The following TTC23 variants were observed in gnomAD, a reference collection of about 807,000 sequenced individuals.
TTC23 encodes the protein tetratricopeptide repeat domain 23.
A neutral mutation model predicts 55.1 loss-of-function variants in TTC23; 58 were observed. The ratio of observed to expected loss-of-function variants is 1.05; its 90% CI spans 0.85 to 1.31. TTC23 has a LOEUF of 1.31. Among genes scored for constraint, TTC23 ranks in the 50% most tolerant of loss-of-function variants. The pLI, the probability that TTC23 is intolerant of heterozygous loss-of-function variation, is 0.00. For missense variants in TTC23, 516 were observed against 534.4 expected, an observed-to-expected ratio of 0.97 and a Z score of 0.34; for synonymous variants, 203 against 199.9, an observed-to-expected ratio of 1.02 and a Z score of -0.13.
chr15:99,205,287 T>C (rs974617625), intron 8 of TTC23, among the ~76,000 whole-genome samples: 4 of 152,146 alleles, frequency 2.6e-5, no homozygotes, highest in Admixed American at 6.5e-5. Flanking sequence ...TTTGGGACTT[T>C]CGTGGTTCCA....
intron 9 of TTC23, among the ~76,000 whole-genome samples, chr15:99,193,580 T>A (rs1334606250): frequency 6.6e-6 from 1 of 152,224 alleles, no homozygotes; most frequent in Non-Finnish European, 1.5e-5. Context: ...CAATTAAACC[T>A]CTTTCTTTTG....
chr15:99,171,654 C>T (rs1424235627), intron 10 of TTC23, among the ~76,000 whole-genome samples: 1 of 150,978 alleles, frequency 6.6e-6, no homozygotes, highest in Non-Finnish European at 1.5e-5. Context: ...CCTCTGCCTC[C>T]AGGGTTCAAG....
intron 12 of TTC23, among the ~76,000 whole-genome samples, chr15:99,146,806 C>T (rs1049423922): frequency 6.6e-6 from 1 of 152,232 alleles, no homozygotes; most frequent in Non-Finnish European, 1.5e-5. Flanking sequence ...GCGGGCCCAA[C>T]CTCAGGAGGG....
intron 12 of TTC23, among the ~76,000 whole-genome samples, chr15:99,150,684 G>A (rs1279451365): frequency 6.6e-6 from 1 of 152,214 alleles, no homozygotes; most frequent in Non-Finnish European, 1.5e-5. Flanking sequence ...ATCATCAAAT[G>A]GGTTGCAAAT....
At chr15:99,229,048 A>T in intron 4 of TTC23, among the ~76,000 whole-genome samples, 2 of 152,020 alleles carry the variant, frequency 1.3e-5, no homozygotes, top group African/African-American at 4.8e-5. Flanking sequence ...GTCCAGTAGA[A>T]ATTAGCCTAG....
intron 9 of TTC23, among the ~76,000 whole-genome samples, chr15:99,187,462 A>ACAAAAAG (rs2074798251): frequency 7.5e-6 from 1 of 132,546 alleles, no homozygotes; most frequent in Non-Finnish European, 1.6e-5. Flanking sequence ...CAAAAAAAAA[A>ACAAAAAG]AAAAAACAAA....
chr15:99,216,537 T>C (rs972821914), intron 8 of TTC23, among the ~76,000 whole-genome samples: 2 of 151,990 alleles, frequency 1.3e-5, no homozygotes, highest in Non-Finnish European at 2.9e-5. Flanking sequence ...ATAGGAAAGG[T>C]ACAGGAAACT....
intron 12 of TTC23, among the ~76,000 whole-genome samples, chr15:99,141,846 A>G (rs2068263725): frequency 6.6e-6 from 1 of 152,234 alleles, no homozygotes; most frequent in Admixed American, 6.5e-5. Context: ...ATAACAGAAA[A>G]TATTCACTAT....
rs1375136388 is a variant in TTC23 at position 99,221,797 on chromosome 15, T to C, written c.248A>G (p.His83Arg). 6.2e-6 allele frequency: 10 copies of C among 1,614,088 alleles called. No homozygotes were observed. Among genetic ancestry groups the C allele is most frequent in the Admixed American group, 1.7e-5 (1 of 60,004 alleles). ...AACATGTGCCTCTGCTAGTTTCCAA[T>C]GTGAGTCTCCATAGCAAATTCTTGT... ...ALTRICYGDS[H>R]WKLAEAHVNL... The change falls in exon 6 of 14, where the codon CAT becomes CGT. Residue 83 changes from histidine to arginine, a missense_variant. Coordinates refer to ENST00000394132, the MANE Select transcript of TTC23 (RefSeq NM_001288615.3).
At chr15:99,206,305 G>C (rs2076623200) in intron 8 of TTC23, among the ~76,000 whole-genome samples, 1 of 152,032 alleles carries the variant, frequency 6.6e-6, no homozygotes, top group Non-Finnish European at 1.5e-5. Context: ...TTTTGGTATT[G>C]AGACAACGCG....
At chr15:99,169,579 C>T (rs1189905718) in intron 10 of TTC23, among the ~76,000 whole-genome samples, 2 of 152,154 alleles carry the variant, frequency 1.3e-5, no homozygotes, top group Non-Finnish European at 2.9e-5. Context: ...ATCAGTAACC[C>T]AGTGAGCAGG....
At chr15:99,187,567 G>A (rs2074841175) in intron 9 of TTC23, among the ~76,000 whole-genome samples, 1 of 150,944 alleles carries the variant, frequency 6.6e-6, no homozygotes, top group South Asian at 2.1e-4. Context: ...ACAACCTACA[G>A]ATTGGGAAAC....
intron 8 of TTC23, among the ~76,000 whole-genome samples, chr15:99,201,753 C>T (rs545550020): frequency 2.0e-5 from 3 of 152,252 alleles, no homozygotes; most frequent in South Asian, 2.1e-4. Context: ...CCAGTAATAC[C>T]GGTCTTCCTT....
chr15:99,138,056 T>C lies in TTC23; in HGVS notation c.1298A>G (p.Gln433Arg), dbSNP rs1555488026. The change falls in exon 14 of 14, where the codon CAG becomes CGG. Residue 433 changes from glutamine to arginine, a missense_variant. By Grantham distance (43) the Gln-to-Arg change is conservative. Coordinates refer to ENST00000394132, the MANE Select transcript of TTC23 (RefSeq NM_001288615.3). ...AKVAFCTSIPQDTLLGKARPG... is the reference protein window; with the variant it reads ...AKVAFCTSIPRDTLLGKARPG... ...CCGGGCCTTCCCCAGCAGGGTGTCC[T>C]GAGGGATGCTGGTGCAGAAGGCCAC... 6.2e-7 allele frequency: 1 copy of C among 1,614,052 alleles called. No homozygotes were observed. The highest frequency in any genetic ancestry group is 8.5e-7 in the Non-Finnish European group (1 of 1,180,018).
rs150710675 is a variant in TTC23 at position 99,191,610 on chromosome 15, T to C, written c.759+8309A>G. On this transcript the variant is annotated intron_variant, in intron 9 of 13. Coordinates refer to ENST00000394132, the MANE Select transcript of TTC23 (RefSeq NM_001288615.3). ...ACATGACTTGCTCCTCCTTGCCTTCTACCATGATTGTGAGGCTTCCCCAGC... is the reference window on the plus strand; with the variant it reads ...ACATGACTTGCTCCTCCTTGCCTTCCACCATGATTGTGAGGCTTCCCCAGC... Among the ~76,000 whole-genome samples the C allele has an allele frequency of 1.3e-3, 191 of 152,358 alleles. 1 individual carries two copies. The highest frequency in any genetic ancestry group is 4.7e-3 in the Admixed American group (72 of 15,304).
chr15:99,167,308 C>T (rs1418833980), intron 10 of TTC23, among the ~76,000 whole-genome samples: 2 of 152,226 alleles, frequency 1.3e-5, no homozygotes, highest in African/African-American at 4.8e-5. Flanking sequence ...CAAGGCCACC[C>T]CTACCTTTGA....
At chr15:99,192,434 G>T (rs1288173875) in intron 9 of TTC23, among the ~76,000 whole-genome samples, 1 of 152,244 alleles carries the variant, frequency 6.6e-6, no homozygotes, top group African/African-American at 2.4e-5. Flanking sequence ...CTGTGTCCCA[G>T]CTGCTCCAGC....
chr15:99,239,912 T>C (rs1266322025), intron 3 of TTC23, among the ~76,000 whole-genome samples: 3 of 152,248 alleles, frequency 2.0e-5, no homozygotes, highest in Non-Finnish European at 2.9e-5. Flanking sequence ...CCCCATTTTA[T>C]AAATAAAGAC....
intron 12 of TTC23, chr15:99,140,304 G>A (rs563232163): frequency 6.6e-6 from 1 of 152,352 alleles, no homozygotes; most frequent in African/African-American, 2.4e-5. Flanking sequence ...TTAAGCTCAA[G>A]AAAGATTTGA....
Sources: gnomAD v4.1 joint callset for allele counts (sites outside exome capture counted in the v4.1 genomes callset) on GRCh38, gnomAD v4.1.1 for gene constraint, MANE v1.5 for transcripts, NCBI Gene and HGNC (gene_info 2026-07-23, HGNC 2026-07-21) for gene names.